The following CNTN5 variants were observed in gnomAD, a reference collection of about 807,000 sequenced individuals.
The protein encoded by CNTN5 is contactin 5.
Under a neutral mutation model 129.1 loss-of-function variants are expected in CNTN5, and 77 were observed. The observed-to-expected ratio is 0.60, with a 90% confidence interval of 0.50 to 0.72. The LOEUF is 0.72. Among genes scored for constraint, CNTN5 ranks in the 30% least tolerant of loss-of-function variants. The probability of loss-of-function intolerance (pLI) is 0.00; values close to 1 mark genes in which losing one functional copy is unlikely to be tolerated. For synonymous variants in CNTN5, 509 were observed against 465.6 expected (o/e 1.09, Z -1.20); for missense variants, 1,478 against 1,328.8 (o/e 1.11, Z -1.75).
chr11:99,697,716 C>A (rs895706157), intron 3 of CNTN5, among the ~76,000 whole-genome samples: 4 of 151,578 alleles, frequency 2.6e-5, no homozygotes, highest in Non-Finnish European at 4.4e-5. Flanking sequence ...CTAAGTTTTA[C>A]AAATATACCT....
chr11:100,091,424 CT>C (rs60075209), intron 13 of CNTN5, among the ~76,000 whole-genome samples: 1,603 of 114,276 alleles, frequency 0.014, 3 homozygotes, highest in African/African-American at 0.027. Context: ...TTTATTTATT[CT>C]TTTTTTTTTT....
chr11:100,070,023 A>G (rs904721361), intron 10 of CNTN5, among the ~76,000 whole-genome samples: 3 of 152,134 alleles, frequency 2.0e-5, no homozygotes, highest in Non-Finnish European at 4.4e-5. Context: ...ACAGAGAGAT[A>G]GAAACAAGTT....
intron 13 of CNTN5, among the ~76,000 whole-genome samples, chr11:100,166,176 AT>A (rs996140198): frequency 2.0e-5 from 3 of 151,750 alleles, no homozygotes; most frequent in Non-Finnish European, 4.4e-5. Context: ...CTATAATATG[AT>A]TTTTTGGAGT....
chr11:99,086,684 A>G (rs1411671732), intron 1 of CNTN5, among the ~76,000 whole-genome samples: 3 of 152,196 alleles, frequency 2.0e-5, no homozygotes, highest in Non-Finnish European at 4.4e-5. Flanking sequence ...GAATATAAAC[A>G]TGCATGAACT....
chr11:100,150,920 A>C (rs1346403387), intron 13 of CNTN5, among the ~76,000 whole-genome samples: 1 of 152,110 alleles, frequency 6.6e-6, no homozygotes, highest in African/African-American at 2.4e-5. Flanking sequence ...TGTGGACCCC[A>C]TGAAGGAATT....
At chr11:99,856,798 TTTA>T (rs1295504024) in intron 6 of CNTN5, among the ~76,000 whole-genome samples, 11 of 152,176 alleles carry the variant, frequency 7.2e-5, no homozygotes, top group Admixed American at 1.3e-4. Flanking sequence ...CTCAAGACCA[TTTA>T]TTATTTGGAC....
At chr11:99,320,600 A>G (rs540526630) in intron 1 of CNTN5, among the ~76,000 whole-genome samples, 80 of 152,202 alleles carry the variant, frequency 5.3e-4, no homozygotes, top group Non-Finnish European at 9.6e-4. Flanking sequence ...GAAAAAGAAA[A>G]GTGAAATATT....
At chr11:99,106,651 A>G (rs1245165928) in intron 1 of CNTN5, among the ~76,000 whole-genome samples, 3 of 152,110 alleles carry the variant, frequency 2.0e-5, no homozygotes, top group Non-Finnish European at 4.4e-5. Flanking sequence ...GAATTAACAT[A>G]TCTTAAACAG....
intron 3 of CNTN5, among the ~76,000 whole-genome samples, chr11:99,595,981 A>T (rs1278210926): frequency 2.6e-5 from 4 of 151,920 alleles, no homozygotes; most frequent in African/African-American, 9.7e-5. Flanking sequence ...CAATCTACAG[A>T]CTCCGAAATT....
chr11:99,780,822 T>C (rs190963782), intron 3 of CNTN5, among the ~76,000 whole-genome samples: 1 of 152,152 alleles, frequency 6.6e-6, no homozygotes, highest in Non-Finnish European at 1.5e-5. Flanking sequence ...ATAAATGAGT[T>C]TTAAAAGTGC....
At chr11:100,300,113 G>A (rs184096946) in intron 20 of CNTN5, among the ~76,000 whole-genome samples, 16 of 151,516 alleles carry the variant, frequency 1.1e-4, no homozygotes, top group Admixed American at 3.9e-4. Context: ...AGGCAGTACC[G>A]AGTAGACAAT....
At chr11:100,237,841 A>C (rs1949654371) in intron 16 of CNTN5, among the ~76,000 whole-genome samples, 2 of 152,196 alleles carry the variant, frequency 1.3e-5, no homozygotes, top group East Asian at 3.8e-4. Flanking sequence ...GGCTGTCATG[A>C]GTACATAGGT....
chr11:99,074,192 G>A (rs956933613), intron 1 of CNTN5, among the ~76,000 whole-genome samples: 1 of 151,766 alleles, frequency 6.6e-6, no homozygotes, highest in African/African-American at 2.4e-5. Context: ...AGAAGTGTCT[G>A]TTCATATACT....
Position 99,400,187 on chromosome 11 carries a change from C to A in CNTN5, c.-71+74703C>A, listed in dbSNP as rs191959873. ...CTCTACCACCCACTACCCTTCTTAG[C>A]CTCTGCTTACCAATCTTCTACTCTC... On this transcript the variant is annotated intron_variant, in intron 2 of 24. Coordinates refer to ENST00000524871, the MANE Select transcript of CNTN5 (RefSeq NM_014361.4). Among the ~76,000 whole-genome samples the A allele has an allele frequency of 1.7e-3, 258 of 152,190 alleles. 4 individuals carry two copies. The highest frequency in any genetic ancestry group is 6.8e-3 in the Middle Eastern group (2 of 294).
intron 3 of CNTN5, among the ~76,000 whole-genome samples, chr11:99,779,364 T>C (rs1376812643): frequency 1.3e-5 from 2 of 152,060 alleles, no homozygotes; most frequent in South Asian, 2.1e-4. Flanking sequence ...AAAGTAGTTA[T>C]AAAATTTGAC....
chr11:99,667,550 CAAT>C (rs1326405758), intron 3 of CNTN5, among the ~76,000 whole-genome samples: 1 of 152,040 alleles, frequency 6.6e-6, no homozygotes, highest in Non-Finnish European at 1.5e-5. Flanking sequence ...AGTGAGTACT[CAAT>C]AAATGTAAAT....
At chr11:99,677,481 T>C (rs546730236) in intron 3 of CNTN5, among the ~76,000 whole-genome samples, 2 of 152,174 alleles carry the variant, frequency 1.3e-5, no homozygotes, top group South Asian at 4.1e-4. Context: ...ATTTATCTCT[T>C]AGTTAATACA....
chr11:99,258,001 T>A (rs1312556962), intron 1 of CNTN5, among the ~76,000 whole-genome samples: 2 of 152,020 alleles, frequency 1.3e-5, no homozygotes, highest in African/African-American at 4.8e-5. Flanking sequence ...TGAGATGAAA[T>A]TCCTTGTTCT....
intron 1 of CNTN5, among the ~76,000 whole-genome samples, chr11:99,150,633 T>A (rs537354779): frequency 2.0e-5 from 3 of 152,040 alleles, no homozygotes; most frequent in Non-Finnish European, 2.9e-5. Flanking sequence ...CAGAAAGTTG[T>A]AATAAATTCT....
Sources: allele counts gnomAD v4.1 joint callset (sites outside exome capture counted in the v4.1 genomes callset), GRCh38; gene constraint gnomAD v4.1.1; transcripts MANE v1.5; gene names NCBI Gene and HGNC (gene_info 2026-07-23, HGNC 2026-07-21).